Variants in WASF3 observed in about 807,000 individuals in gnomAD.
WASF3 encodes actin-binding protein WASF3.
In WASF3, 11 loss-of-function variants were observed where a neutral mutation model predicts 46.6. The observed-to-expected ratio is 0.24, with a 90% CI of 0.15 to 0.39. WASF3 has a LOEUF of 0.39. Among genes scored for constraint, WASF3 ranks in the 10% least tolerant of loss-of-function variants. The pLI, the probability that WASF3 is intolerant of heterozygous loss-of-function variation, is 1.00. For synonymous variants in WASF3, 242 were observed against 259.7 expected (o/e 0.93, Z 0.65); for missense variants, 576 against 669.8 (o/e 0.86, Z 1.55).
rs186621660 is a variant in WASF3 at position 26,666,824 on chromosome 13, G to A, written c.269-693G>A. 4.1e-5 allele frequency among the ~76,000 whole-genome samples: 6 copies of A among 147,942 alleles called. No homozygotes were observed. The South Asian group carries it at 8.7e-4, about 22-fold the overall frequency. ...TGAGGCAGGAGAATGGCACGAACCC[G>A]GGAGGCTGCACTCCAGCCTGGGTTA... On this transcript the variant is annotated intron_variant, in intron 4 of 9. Transcript: ENST00000335327.
intron 1 of WASF3, among the ~76,000 whole-genome samples, chr13:26,568,533 T>C (rs910759127): frequency 6.6e-6 from 1 of 152,142 alleles, no homozygotes; most frequent in African/African-American, 2.4e-5. Flanking sequence ...TCTGAGATTC[T>C]TGGAAGGACT....
intron 1 of WASF3, among the ~76,000 whole-genome samples, chr13:26,570,822 T>G (rs539013581): frequency 7.9e-5 from 12 of 152,320 alleles, no homozygotes; most frequent in African/African-American, 2.9e-4. Context: ...GTCCTCAAAT[T>G]TGGATTTCTG....
At position 26,671,929 on chromosome 13, in the gene WASF3, C is replaced by G; in HGVS notation, c.480C>G (p.Leu160=). 6.2e-7 allele frequency: 1 copy of G among 1,610,306 alleles called. No individual in the cohort carries two copies. The highest frequency in any genetic ancestry group is 1.7e-4 in the Middle Eastern group (1 of 6,052). Residue 160 remains leucine (L), a synonymous_variant, in exon 6 of 10, where the codon CTC becomes CTG. Transcript: ENST00000335327. ...CTGATCCTTCCTATTTCTTTGACCTCTGGAAAGAAAAAATGCTACAGGACA... is the reference window on the plus strand; with the variant it reads ...CTGATCCTTCCTATTTCTTTGACCTGTGGAAAGAAAAAATGCTACAGGACA... The part of the protein sequence containing the change: ...FYTDPSYFFD[L]WKEKMLQDTE...
chr13:26,666,666 G>A (rs577275255), intron 4 of WASF3, among the ~76,000 whole-genome samples: 22 of 152,254 alleles, frequency 1.4e-4, no homozygotes, highest in East Asian at 9.7e-4. Context: ...TCGGGAGGCC[G>A]AGGCAGGCGG....
At chr13:26,618,078 T>A (rs1881190099) in intron 2 of WASF3, among the ~76,000 whole-genome samples, 1 of 152,166 alleles carries the variant, frequency 6.6e-6, no homozygotes, top group Admixed American at 6.5e-5. Flanking sequence ...TTTTTAGCAG[T>A]GTGAAAACAG....
At position 26,682,955 on chromosome 13, in the gene WASF3, C is replaced by T; in HGVS notation, c.1332C>T (p.Leu444=). ...QPPISDARSD[L]LAAIRMGIQL... Reference sequence around the variant, plus strand: ...CAATCAGTGATGCTCGAAGCGACCTCCTCGCTGCTATTCGAATGGGTAAGT... The same window carrying T: ...CAATCAGTGATGCTCGAAGCGACCTTCTCGCTGCTATTCGAATGGGTAAGT... The change falls in exon 9 of 10, where the codon CTC becomes CTT. Residue 444 remains leucine (L), a synonymous_variant. Transcript: ENST00000335327. The surrounding 1 kb of genome is among the most constrained non-coding windows in gnomAD (Gnocchi z 4.4). 1.2e-6 allele frequency: 2 copies of T among 1,605,594 alleles called. No homozygotes were observed. The highest frequency in any genetic ancestry group is 2.2e-5 in the East Asian group (1 of 44,886).
intron 1 of WASF3, among the ~76,000 whole-genome samples, chr13:26,567,996 G>T (rs1309471827): frequency 2.0e-5 from 3 of 152,006 alleles, no homozygotes; most frequent in Non-Finnish European, 4.4e-5. Flanking sequence ...CCTTATTTGG[G>T]GAGAAACAGC....
chr13:26,637,782 A>G (rs1301339765), intron 2 of WASF3, among the ~76,000 whole-genome samples: 2 of 152,152 alleles, frequency 1.3e-5, no homozygotes, highest in Non-Finnish European at 2.9e-5. Context: ...TGTGCCAGGG[A>G]CTACCCTCCT....
rs369245414 is a variant in WASF3, at chr13:26,639,476, G to T, written c.-10-2785G>T. Among the ~76,000 whole-genome samples the T allele has an allele frequency of 3.9e-5, 6 of 152,136 alleles. No individual in the cohort carries two copies. In the South Asian group the frequency reaches 1.2e-3, roughly 32 times the overall value. On this transcript the variant is annotated intron_variant, in intron 2 of 9. Transcript: ENST00000335327. ...GTCGAGGGCTGTTCAGGGCATTGTGGGGAACACAGAATTCATGGACTCAGT... is the reference window on the plus strand; with the variant it reads ...GTCGAGGGCTGTTCAGGGCATTGTGTGGAACACAGAATTCATGGACTCAGT...
chr13:26,670,021 A>T (rs1432989289), intron 5 of WASF3, among the ~76,000 whole-genome samples: 3 of 152,222 alleles, frequency 2.0e-5, no homozygotes, highest in African/African-American at 7.2e-5. Flanking sequence ...TACCCAAAGG[A>T]TTATAAATCA....
At chr13:26,670,335 C>T (rs948814240) in intron 5 of WASF3, among the ~76,000 whole-genome samples, 10 of 151,278 alleles carry the variant, frequency 6.6e-5, no homozygotes, top group Non-Finnish European at 1.2e-4. Context: ...CATCACATAC[C>T]GGGCCTGTTG....
At chr13:26,664,064 C>G (rs1882704661) in intron 3 of WASF3, among the ~76,000 whole-genome samples, 1 of 152,174 alleles carries the variant, frequency 6.6e-6, no homozygotes, top group Non-Finnish European at 1.5e-5. Context: ...ACACGGAGTT[C>G]ACAGTCTCAT....
At chr13:26,539,683 T>C in the WASF3 span, among the ~76,000 whole-genome samples, 8 of 152,320 alleles carry the variant, frequency 5.3e-5, no homozygotes, top group Middle Eastern at 3.4e-3. Context: ...ACGCTGCTTC[T>C]AGATAAATCT....
At chr13:26,570,469 A>G (rs182933377) in intron 1 of WASF3, among the ~76,000 whole-genome samples, 16 of 152,058 alleles carry the variant, frequency 1.1e-4, no homozygotes, top group Non-Finnish European at 8.8e-5. Context: ...TCACTTTTCT[A>G]GTTTCTTTTA....
At chr13:26,660,669 T>G (rs2137454972) in intron 3 of WASF3, among the ~76,000 whole-genome samples, 1 of 152,036 alleles carries the variant, frequency 6.6e-6, no homozygotes, top group Non-Finnish European at 1.5e-5. Flanking sequence ...CAGTGCAGAA[T>G]TCTAGATTTT....
Position 26,587,941 on chromosome 13 carries a change from A to G in WASF3, c.-108-25020A>G, listed in dbSNP as rs184542831. 2.4e-3 allele frequency among the ~76,000 whole-genome samples: 364 copies of G among 152,278 alleles called. 2 individuals are homozygous for G. The highest frequency in any genetic ancestry group is 8.4e-3 in the African/African-American group (351 of 41,552). ...GAGAATTCATTGATTTATGATTGCT[A>G]TAGGACTTAAAAAGAAAAAAGACTA... is the stretch of plus-strand genomic sequence containing the variant. On this transcript the variant is annotated intron_variant, in intron 1 of 9. Coordinates refer to ENST00000335327, the MANE Select transcript of WASF3 (RefSeq NM_006646.6).
Position 26,559,788 on chromosome 13 carries a change from T to TTTTC in WASF3, c.-109+1989_-109+1992dup, listed in dbSNP as rs1555246392. 4.8e-3 allele frequency among the ~76,000 whole-genome samples: 388 copies of TTTTC among 80,530 alleles called. 4 individuals are homozygous for TTTTC. The highest frequency in any genetic ancestry group is 0.017 in the African/African-American group (354 of 20,308). 52.8% of individuals were successfully genotyped at this position (80,530 alleles called of 152,430 possible). On this transcript the variant is annotated intron_variant, in intron 1 of 9. Transcript: ENST00000335327. ...AGACCTTGAATCTCTTTTTCTTTTC[T>TTTTC]TTTCTTTCTTTCTTTCTTTCTTTTT...
chr13:26,601,821 A>G (rs957317807), intron 1 of WASF3, among the ~76,000 whole-genome samples: 1 of 152,198 alleles, frequency 6.6e-6, no homozygotes, highest in Non-Finnish European at 1.5e-5. Flanking sequence ...CAGTGCTGCC[A>G]CCTAACCTCA....
chr13:26,643,552 G>A (rs1001815088), intron 3 of WASF3, among the ~76,000 whole-genome samples: 1 of 152,086 alleles, frequency 6.6e-6, no homozygotes. Context: ...TTGACTTTTG[G>A]TAGTGGTAAT....
Sources: allele counts gnomAD v4.1 joint callset (sites outside exome capture counted in the v4.1 genomes callset), GRCh38; gene constraint gnomAD v4.1.1; non-coding constraint Gnocchi (gnomAD v3.1); transcripts MANE v1.5; gene names NCBI Gene and HGNC (gene_info 2026-07-23, HGNC 2026-07-21).